Variants in TNRC18 observed in about 807,000 individuals in gnomAD.
TNRC18 encodes trinucleotide repeat containing 18.
A neutral mutation model predicts 226.7 loss-of-function variants in TNRC18; 69 were observed. That is an observed-to-expected ratio of 0.30 (90% CI 0.25 to 0.37). The LOEUF is 0.37. Ranked by LOEUF, TNRC18 falls within the 10% of genes least tolerant of loss-of-function variation. The pLI is 1.00. For missense variants in TNRC18, 4,754 were observed against 4,256.6 expected (o/e 1.12, Z -3.25); for synonymous variants, 2,449 against 1,927.6 (o/e 1.27, Z -7.09).
chr7:5,422,662 C>T (rs147460515), intron 1 of TNRC18: 1,757 of 152,402 alleles, frequency 0.012, 44 homozygotes, highest in African/African-American at 0.04. Context: ...GCAGGAGACC[C>T]CCTCGGCTGC....
chr7:5,308,990 G>T (rs776545102), intron 28 of TNRC18, 41 bp from the exon 29 acceptor site: 3 of 1,571,960 alleles, frequency 1.9e-6, no homozygotes, highest in East Asian at 4.6e-5. Context: ...GAGCCCGGGG[G>T]CTGCTGCACC....
At position 5,361,620 on chromosome 7, in the gene TNRC18, T is replaced by G; in HGVS notation, c.4635A>C (p.Arg1545Ser). 6.5e-7 allele frequency: 1 copy of G among 1,544,150 alleles called. No homozygotes were observed. The highest frequency in any genetic ancestry group is 8.7e-7 in the Non-Finnish European group (1 of 1,145,988). Residue 1545 changes from arginine (R) to serine (S), a missense_variant, in exon 14 of 30, where the codon AGA (arginine) becomes AGC (serine). Arg to Ser is a moderately radical substitution (Grantham distance 110). Coordinates refer to ENST00000430969, the MANE Select transcript of TNRC18 (RefSeq NM_001080495.3). ...APSALSPPRK[R>S]GKSGHSSGKL... ...TTCCGCTACTGTGGCCGCTCTTCCC[T>G]CTCTTGCGGGGGGGCGACAGGGCGC...
chr7:5,395,897 T>A (rs2128204554), intron 2 of TNRC18, among the ~76,000 whole-genome samples: 1 of 151,546 alleles, frequency 6.6e-6, no homozygotes, highest in East Asian at 1.9e-4. Context: ...CACGGGAGGC[T>A]GAGGCAGGAG....
intron 15 of TNRC18, among the ~76,000 whole-genome samples, chr7:5,357,556 G>A (rs1395497904): frequency 4.6e-5 from 7 of 152,150 alleles, no homozygotes; most frequent in African/African-American, 1.7e-4. Flanking sequence ...GGAGTCGCAA[G>A]TCACTGCAGC....
At chr7:5,373,749 G>A (rs935871049) in intron 10 of TNRC18, among the ~76,000 whole-genome samples, 9 of 152,078 alleles carry the variant, frequency 5.9e-5, no homozygotes, top group South Asian at 2.1e-4. Context: ...AGAACTTAGC[G>A]CCGACTGCAT....
intron 18 of TNRC18, among the ~76,000 whole-genome samples, chr7:5,344,117 T>C (rs1188438901): frequency 6.6e-6 from 1 of 152,180 alleles, no homozygotes; most frequent in Non-Finnish European, 1.5e-5. Flanking sequence ...TGCCAATACC[T>C]TGGGCAGTCT....
chr7:5,387,058 G>C (rs1430952428), intron 5 of TNRC18, among the ~76,000 whole-genome samples: 2 of 152,188 alleles, frequency 1.3e-5, no homozygotes, highest in Non-Finnish European at 2.9e-5. Flanking sequence ...TGGGCAACAA[G>C]AGTGAAACTC....
chr7:5,405,571 A>AAAAACAAAAC (rs925558960), intron 2 of TNRC18, among the ~76,000 whole-genome samples: 1 of 152,096 alleles, frequency 6.6e-6, no homozygotes, highest in Non-Finnish European at 1.5e-5. Context: ...TCCGTCTCAA[A>AAAAACAAAAC]AAAACAAAAC....
At chr7:5,326,113 C>T (rs1258774649) in intron 19 of TNRC18, among the ~76,000 whole-genome samples, 2 of 152,108 alleles carry the variant, frequency 1.3e-5, no homozygotes, top group East Asian at 3.9e-4. Flanking sequence ...GCAAGTTCCT[C>T]TCCAGTGACC....
chr7:5,371,876 G>T (rs1278990287), intron 10 of TNRC18, among the ~76,000 whole-genome samples: 2 of 152,198 alleles, frequency 1.3e-5, no homozygotes, highest in African/African-American at 4.8e-5. Flanking sequence ...TTCAAGACCA[G>T]CCTGAGCAAC....
chr7:5,398,693 C>T (rs1780875511), intron 2 of TNRC18, among the ~76,000 whole-genome samples: 1 of 152,018 alleles, frequency 6.6e-6, no homozygotes, highest in African/African-American at 2.4e-5. Context: ...TCATAGCTCA[C>T]TACAGCCTCC....
In TNRC18 at chr7:5,313,386, C is replaced by T. The variant is rs747492915; in HGVS notation, c.7505G>A (p.Gly2502Asp). 4 of 1,590,034 alleles carry T rather than the reference C, an allele frequency of 2.5e-6. No individual in the cohort carries two copies. The highest frequency in any genetic ancestry group is 2.2e-4 in the Middle Eastern group (1 of 4,632). Residue 2502 changes from glycine (G) to aspartate (D), a missense_variant, in exon 27 of 30, where the codon GGC (glycine) becomes GAC (aspartate). Coordinates refer to ENST00000430969, the MANE Select transcript of TNRC18 (RefSeq NM_001080495.3). ...WQEPKSLLSLGSYPPAAGSSE... is the reference protein window; with the variant it reads ...WQEPKSLLSLDSYPPAAGSSE... ...GCTGCCGGCCGCGGGGGGATAGCTGCCCAGGCTCAGGAGGCTCTTGGGCTC... is the reference window on the plus strand; with the variant it reads ...GCTGCCGGCCGCGGGGGGATAGCTGTCCAGGCTCAGGAGGCTCTTGGGCTC...
intron 2 of TNRC18, among the ~76,000 whole-genome samples, chr7:5,410,378 C>T (rs1320199004): frequency 1.4e-5 from 2 of 146,202 alleles, no homozygotes; most frequent in Non-Finnish European, 3.0e-5. Context: ...GGATATCTAA[C>T]TAATAGGAAT....
intron 2 of TNRC18, among the ~76,000 whole-genome samples, chr7:5,410,985 C>T (rs2128218625): frequency 6.6e-6 from 1 of 151,354 alleles, no homozygotes; most frequent in Non-Finnish European, 1.5e-5. Flanking sequence ...GCAGGTGGAT[C>T]ACTTGAGGTC....
intron 5 of TNRC18, among the ~76,000 whole-genome samples, chr7:5,385,982 CAAAAAA>C (rs1160231238): frequency 7.2e-5 from 3 of 41,524 alleles, no homozygotes; most frequent in Non-Finnish European, 1.4e-4. Context: ...AAGTCTGTCT[CAAAAAA>C]AAAAAAAAAA....
Position 5,370,418 on chromosome 7 carries a change from C to T in TNRC18, c.4176G>A (p.Glu1392=), listed in dbSNP as rs1248280808. The change falls in exon 11 of 30, where the codon GAG becomes GAA. Residue 1392 remains glutamate, a synonymous_variant. Coordinates refer to ENST00000430969, the MANE Select transcript of TNRC18 (RefSeq NM_001080495.3). ...TCCTCTCCAGCTCCAGCTCTGCGAT[C>T]TCACTTAGCAGGGTGATGCCATGCA... The part of the protein sequence containing the change: ...SFLHGITLLS[E]IAELELERRS... 13 of 1,553,208 alleles carry T rather than the reference C, an allele frequency of 8.4e-6. No homozygotes were observed. The highest frequency in any genetic ancestry group is 1.1e-5 in the Non-Finnish European group (13 of 1,147,808).
Position 5,324,945 on chromosome 7 carries a change from G to A in TNRC18, c.6300+151C>T. The stretch of plus-strand genomic sequence containing the variant: ...GTATCTCCTTATCCCTGGAGTGTGG[G>A]GACGGCCACATCACCCTCGTCACCC... On this transcript the variant is annotated intron_variant, in intron 20 of 29. Transcript: ENST00000430969. The surrounding 1 kb of genome is among the most constrained non-coding windows in gnomAD (Gnocchi z 4.8). 3.6e-6 allele frequency: 3 copies of A among 843,476 alleles called. No individual in the cohort carries two copies. The highest frequency in any genetic ancestry group is 3.6e-6 in the Non-Finnish European group (2 of 561,890). 52.2% of individuals were successfully genotyped at this position (843,476 alleles called of 1,614,324 possible).
intron 18 of TNRC18, among the ~76,000 whole-genome samples, chr7:5,345,251 C>G (rs979724571): frequency 2.0e-5 from 3 of 152,234 alleles, no homozygotes; most frequent in Non-Finnish European, 4.4e-5. Flanking sequence ...AAACCCCAGG[C>G]TGGGTCAGGG....
At chr7:5,392,626 T>A (rs1022399415) in intron 3 of TNRC18, among the ~76,000 whole-genome samples, 1 of 150,942 alleles carries the variant, frequency 6.6e-6, no homozygotes, top group Non-Finnish European at 1.5e-5. Context: ...AAAAAATAAA[T>A]AAATAAGTAA....
Sources: gnomAD v4.1 joint callset for allele counts (sites outside exome capture counted in the v4.1 genomes callset) on GRCh38, gnomAD v4.1.1 for gene constraint, Gnocchi (gnomAD v3.1) non-coding constraint, MANE v1.5 for transcripts, NCBI Gene and HGNC (gene_info 2026-07-23, HGNC 2026-07-21) for gene names.